Variants in CEP128 observed in about 807,000 individuals in gnomAD.
CEP128 encodes centrosomal protein 128, also known as centrosomal protein 128kDa.
CEP128 carries 132 observed loss-of-function variants against 156.7 expected under a neutral mutation model. That is an observed-to-expected ratio of 0.84 (90% CI 0.73 to 0.97). The LOEUF (loss-of-function observed/expected upper bound fraction) is 0.97, where lower values mean the gene tolerates loss of function less well. CEP128 is among the 50% of genes least tolerant of loss of function. The probability of loss-of-function intolerance (pLI) is 0.00; values close to 1 mark genes in which losing one functional copy is unlikely to be tolerated. For missense variants in CEP128, 1,252 were observed against 1,281.9 expected, an observed-to-expected ratio of 0.98 and a Z score of 0.36; for synonymous variants, 469 against 448.9, an observed-to-expected ratio of 1.04 and a Z score of -0.57.
intron 19 of CEP128, among the ~76,000 whole-genome samples, chr14:80,728,648 G>A (rs2139506280): frequency 6.6e-6 from 1 of 152,244 alleles, no homozygotes; most frequent in East Asian, 1.9e-4. Flanking sequence ...GAAGTTGGAA[G>A]ATATTCCAAA....
At chr14:80,604,501 G>A (rs1431289531) in intron 19 of CEP128, among the ~76,000 whole-genome samples, 1 of 152,060 alleles carries the variant, frequency 6.6e-6, no homozygotes, top group Non-Finnish European at 1.5e-5. Flanking sequence ...ATTATCTTCT[G>A]TTATCATTGC....
At chr14:80,777,756 T>G (rs76094524) in intron 16 of CEP128, 126 bp downstream of exon 16, 39,841 of 693,686 alleles carry the variant, frequency 0.057, 1,308 homozygotes, top group Non-Finnish European at 0.064. Context: ...CTGACTTTTT[T>G]GGGGGGCACC....
At chr14:80,573,007 C>G (rs1200693809) in intron 20 of CEP128, among the ~76,000 whole-genome samples, 1 of 152,176 alleles carries the variant, frequency 6.6e-6, no homozygotes, top group Non-Finnish European at 1.5e-5. Flanking sequence ...ACCGCAACCT[C>G]TGCCTCTCAG....
At chr14:80,707,122 A>G (rs1218708237) in intron 19 of CEP128, among the ~76,000 whole-genome samples, 1 of 152,040 alleles carries the variant, frequency 6.6e-6, no homozygotes, top group Admixed American at 6.6e-5. Context: ...ATTTATTCTC[A>G]TGATTCTTGG....
rs1886308361 is a variant in CEP128 at position 80,840,686 on chromosome 14, T to A, written c.845A>T (p.Asn282Ile). Residue 282 changes from asparagine to isoleucine, a missense_variant, in exon 10 of 25, where the codon AAT (asparagine) becomes ATT (isoleucine). Asn to Ile is a moderately radical substitution (Grantham distance 149). Transcript: ENST00000555265. ...NKLRQTETEK[N>I]QLEQELELSR... ...AGATAACTTTTAAAATCTTACTTGA[T>A]TCTTCTCAGTTTCAGTTTGTCTTAG... 2 of 1,590,326 alleles carry A rather than the reference T, an allele frequency of 1.3e-6. No individual in the cohort carries two copies. Among genetic ancestry groups the A allele is most frequent in the Non-Finnish European group, 1.7e-6 (2 of 1,159,638 alleles).
intron 24 of CEP128, 43 bp downstream of exon 24, chr14:80,504,869 C>T: frequency 9.3e-7 from 1 of 1,069,878 alleles, no homozygotes; most frequent in Non-Finnish European, 1.4e-6. Flanking sequence ...GTTGCATTTT[C>T]TTAAATCTAA....
intron 9 of CEP128, among the ~76,000 whole-genome samples, chr14:80,843,247 C>T (rs1251763475): frequency 2.0e-5 from 3 of 151,916 alleles, no homozygotes; most frequent in Non-Finnish European, 4.4e-5. Flanking sequence ...GACCAGCAAG[C>T]TTGGTTAAGA....
intron 19 of CEP128, among the ~76,000 whole-genome samples, chr14:80,726,290 C>T (rs1237559416): frequency 6.6e-6 from 1 of 152,130 alleles, no homozygotes; most frequent in Non-Finnish European, 1.5e-5. Context: ...TATATTCCCT[C>T]AGAGTATTTA....
intron 19 of CEP128, among the ~76,000 whole-genome samples, chr14:80,717,443 C>A (rs1197037082): frequency 6.6e-6 from 1 of 152,092 alleles, no homozygotes; most frequent in African/African-American, 2.4e-5. Flanking sequence ...ACAGTGTTTT[C>A]AGAGTGATAA....
chr14:80,880,862 C>CAAA (rs1888505313), intron 8 of CEP128, among the ~76,000 whole-genome samples: 1 of 83,600 alleles, frequency 1.2e-5, no homozygotes, highest in East Asian at 2.9e-4. Context: ...GACTCCATCT[C>CAAA]AAAAATAATA....
rs1033016951 is a variant in CEP128, at chr14:80,706,711, T to C, written c.2806+36364A>G. 5.9e-5 allele frequency among the ~76,000 whole-genome samples: 9 copies of C among 152,036 alleles called. No homozygotes were observed. The East Asian group carries it at 1.7e-3, about 29-fold the overall frequency. On this transcript the variant is annotated intron_variant, in intron 19 of 24. Transcript: ENST00000555265. ...CCAAAGTTGGAGCTTTCAATCATTATGTCCTCAAATATTCTTTCAGCACAA... is the reference window on the plus strand; with the variant it reads ...CCAAAGTTGGAGCTTTCAATCATTACGTCCTCAAATATTCTTTCAGCACAA...
chr14:80,884,974 T>C (rs1262521696), intron 8 of CEP128, among the ~76,000 whole-genome samples: 2 of 152,178 alleles, frequency 1.3e-5, no homozygotes, highest in Admixed American at 1.3e-4. Context: ...GGCATCGCCA[T>C]TACTGAGGCT....
chr14:80,538,636 C>T (rs1355566757), intron 21 of CEP128, among the ~76,000 whole-genome samples: 1 of 152,172 alleles, frequency 6.6e-6, no homozygotes, highest in African/African-American at 2.4e-5. Context: ...GGGTGCATTT[C>T]GAAGTACATT....
chr14:80,487,657 A>C (rs1162501428), downstream of CEP128, among the ~76,000 whole-genome samples: 1 of 152,228 alleles, frequency 6.6e-6, no homozygotes, highest in African/African-American at 2.4e-5. Context: ...GTAAAAGAAC[A>C]GAAATTACAA....
chr14:80,549,822 G>C (rs1054778227), intron 21 of CEP128, among the ~76,000 whole-genome samples: 3 of 152,200 alleles, frequency 2.0e-5, no homozygotes, highest in Non-Finnish European at 2.9e-5. Context: ...GCAGTAGGAT[G>C]AAGCACAATT....
chr14:80,833,468 T>C (rs1885916296), intron 12 of CEP128, among the ~76,000 whole-genome samples: 1 of 151,904 alleles, frequency 6.6e-6, no homozygotes, highest in Admixed American at 6.6e-5. Context: ...TTAAAATATT[T>C]AAAACAAAAA....
downstream of CEP128, among the ~76,000 whole-genome samples, chr14:80,487,253 C>T (rs140513939): frequency 0.012 from 1,846 of 151,982 alleles, 106 homozygotes; most frequent in South Asian, 0.12. Context: ...AGACTTTAAA[C>T]CAATAAAGAT....
At chr14:80,955,651 A>G in intron 2 of CEP128, 1 of 1,612,806 alleles carries the variant, frequency 6.2e-7, no homozygotes, top group Non-Finnish European at 8.5e-7. Flanking sequence ...ATTTCGGAGG[A>G]TGGAGAAATA....
rs1555372783 is a variant in CEP128, at chr14:80,541,443, T to TTAAA, written c.2881-10558_2881-10557insTTTA. Among the ~76,000 whole-genome samples, 9 of 109,962 alleles carry TTAAA rather than the reference T, an allele frequency of 8.2e-5. 1 individual carries two copies. The highest frequency in any genetic ancestry group is 1.1e-4 in the African/African-American group (3 of 26,220). 72.1% of individuals were successfully genotyped at this position (109,962 alleles called of 152,430 possible). On this transcript the variant is annotated intron_variant, in intron 21 of 24. Transcript: ENST00000555265. ...CAGAAAGTGAAGCTAATGACTGTGT[T>TTAAA]AAAAAAAAAAAAAAAAAAAAAACCA...
Sources: gnomAD v4.1 joint callset for allele counts (sites outside exome capture counted in the v4.1 genomes callset) on GRCh38, gnomAD v4.1.1 for gene constraint, MANE v1.5 for transcripts, NCBI Gene and HGNC (gene_info 2026-07-23, HGNC 2026-07-21) for gene names.